The following C17orf58 variants were observed in gnomAD, a reference collection of about 807,000 sequenced individuals.
C17orf58 encodes UPF0450 protein C17orf58.
Under a neutral mutation model 7.4 loss-of-function variants are expected in C17orf58, and 5 were observed. The ratio of observed to expected loss-of-function variants is 0.67; its 90% confidence interval spans 0.35 to 1.42. The LOEUF (loss-of-function observed/expected upper bound fraction) is 1.42, where lower values mean the gene tolerates loss of function less well. C17orf58 is among the 40% of genes most tolerant of loss of function. C17orf58 has a pLI of 0.04. For missense variants in C17orf58, 162 were observed against 174.2 expected (o/e 0.93, Z 0.40); for synonymous variants, 60 against 70.6 (o/e 0.85, Z 0.75).
Position 67,993,411 on chromosome 17 carries a change from C to A in C17orf58, c.637+13G>T. ...GCGGGGCGGCGGGGCGGCGGCGCGGCGGCCGGGCTCACCGAATTCGCTCTC... is the reference window on the plus strand; with the variant it reads ...GCGGGGCGGCGGGGCGGCGGCGCGGAGGCCGGGCTCACCGAATTCGCTCTC... On this transcript the variant is annotated intron_variant, in intron 2 of 3. Coordinates refer to ENST00000580729, the MANE Select transcript of C17orf58 (RefSeq NM_001382359.1). The surrounding 1 kb of genome is among the most constrained non-coding windows in gnomAD (Gnocchi z 5.1). 1 of 568,666 alleles carries A rather than the reference C, an allele frequency of 1.8e-6. No individual in the cohort carries two copies. The highest frequency in any genetic ancestry group is 2.0e-5 in the African/African-American group (1 of 51,094). The allele number at this position is 568,666 out of a possible 1,614,324, so 35.2% of individuals were successfully genotyped here.
rs782323911 is a variant in C17orf58, at chr17:67,993,077, T to C, written c.796A>G (p.Ser266Gly). Residue 266 changes from serine to glycine, a missense_variant, in exon 3 of 4, where the codon AGC becomes GGC. By Grantham distance (56) the Ser-to-Gly change is moderately conservative. Around this residue, in one of 3 missense-constraint regions of C17orf58, gnomAD observed 93 missense variants for 90.4 expected, o/e 1.03. Transcript: ENST00000580729. This position sits in a 1 kb window ranked among gnomAD's most constrained non-coding sequence, Gnocchi z 5.1. ...AACTCTGGACACGGCTTATTGCAGCTGGAGGAGTCCAGGGCTAACATGTGG... is the reference window on the plus strand; with the variant it reads ...AACTCTGGACACGGCTTATTGCAGCCGGAGGAGTCCAGGGCTAACATGTGG... ...RVHMLALDSS[S>G]CNKPCPEFKP... 1.6e-5 allele frequency: 26 copies of C among 1,614,018 alleles called. No individual in the cohort carries two copies. Among genetic ancestry groups the C allele is most frequent in the Middle Eastern group, 1.6e-4 (1 of 6,084 alleles).
At position 67,993,002 on chromosome 17, in the gene C17orf58, T is replaced by C; in HGVS notation, c.829+42A>G. The C allele has an allele frequency of 1.2e-6, 2 of 1,614,094 alleles. No individual in the cohort carries two copies. The highest frequency in any genetic ancestry group is 8.5e-7 in the Non-Finnish European group (1 of 1,179,996). ...GTGGCACCCACGTTACAAACGGTGG[T>C]ATAAAGTACATATGCAGCGTCATTC... On this transcript the variant is annotated intron_variant, in intron 3 of 3. Coordinates refer to ENST00000580729, the MANE Select transcript of C17orf58 (RefSeq NM_001382359.1). This position sits in a 1 kb window ranked among gnomAD's most constrained non-coding sequence, Gnocchi z 5.1.
rs1159697155 is a variant in C17orf58, at chr17:67,993,713, G to C, written c.348C>G (p.Arg116=). ...GCGGGGCGTCCTCCGACGCGGGCTC[G>C]CGGCGCGGCGACGCGCGGTTCTCGG... ...AQAENRASPR[R]EPASEDAPRR... Residue 116 remains arginine (R), a synonymous_variant, in exon 2 of 4, where the codon CGC becomes CGG. Transcript: ENST00000580729. This position sits in a 1 kb window ranked among gnomAD's most constrained non-coding sequence, Gnocchi z 5.1. 1 of 148,066 alleles carries C rather than the reference G, an allele frequency of 6.8e-6. No homozygotes were observed. Among genetic ancestry groups the C allele is most frequent in the African/African-American group, 2.5e-5 (1 of 40,722 alleles). The allele number at this position is 148,066 out of a possible 1,614,324, so 9.2% of individuals were successfully genotyped here.
chr17:67,994,771 C>T (rs188800216), intron 1 of C17orf58, among the ~76,000 whole-genome samples: 14 of 151,992 alleles, frequency 9.2e-5, no homozygotes, highest in African/African-American at 3.4e-4. Flanking sequence ...TACTGGTAAA[C>T]CACAGCTAAG....
intron 1 of C17orf58, among the ~76,000 whole-genome samples, chr17:67,994,851 A>AT (rs1386766410): frequency 6.6e-6 from 1 of 151,860 alleles, no homozygotes; most frequent in Non-Finnish European, 1.5e-5. Flanking sequence ...CGTCGCTTAC[A>AT]TTTTTTTCCC....
rs202176546 is a variant in C17orf58, at chr17:67,991,889, T to C, written c.*24A>G. The C allele has an allele frequency of 2.5e-6, 4 of 1,571,464 alleles. No individual in the cohort carries two copies. The African/African-American group carries it at 5.4e-5, about 21-fold the overall frequency. ...TTGCCGACGTCCAAGTCTCTTGCGG[T>C]CCAGAAATGCCAGGATGGTTGTTTC... is the stretch of plus-strand genomic sequence containing the variant. On this transcript the variant is annotated 3_prime_UTR_variant, in exon 4 of 4. Coordinates refer to ENST00000580729, the MANE Select transcript of C17orf58 (RefSeq NM_001382359.1).
Position 67,993,546 on chromosome 17 carries a change from C to CGCG in C17orf58, c.512_514dup (p.Pro171dup), listed in dbSNP as rs1229004275. The CGCG allele has an allele frequency of 2.9e-6, 1 of 343,748 alleles. No homozygotes were observed. The highest frequency in any genetic ancestry group is 5.2e-6 in the Non-Finnish European group (1 of 191,844). 21.3% of individuals were successfully genotyped at this position (343,748 alleles called of 1,614,324 possible). On this transcript the variant is annotated inframe_insertion, in exon 2 of 4. Transcript: ENST00000580729. This position sits in a 1 kb window ranked among gnomAD's most constrained non-coding sequence, Gnocchi z 5.1. ...GCTGAGGCCGAAGCTGAGGCTGAAG[C>CGCG]GCGGCGGCGGCGCGGGCGCGGGTCC...
At chr17:67,996,052 G>A (rs1341695291) in intron 1 of C17orf58, 71 bp downstream of exon 1, 11 of 398,680 alleles carry the variant, frequency 2.8e-5, no homozygotes, top group East Asian at 2.1e-4. Context: ...ACGTTTCACT[G>A]AGCCTCCTTC....
At position 67,993,923 on chromosome 17, in the gene C17orf58, C is replaced by T. The variant is rs1389538277; in HGVS notation, c.138G>A (p.Pro46=). 1 of 393,826 alleles carries T rather than the reference C, an allele frequency of 2.5e-6. No homozygotes were observed. Among genetic ancestry groups the T allele is most frequent in the Non-Finnish European group, 4.5e-6 (1 of 223,436 alleles). The allele number at this position is 393,826 out of a possible 1,614,324, so 24.4% of individuals were successfully genotyped here. Residue 46 remains proline (P), a synonymous_variant, in exon 2 of 4, where the codon CCG becomes CCA. Transcript: ENST00000580729. The surrounding 1 kb of genome is among the most constrained non-coding windows in gnomAD (Gnocchi z 5.1). ...SRGCPSAEET[P]GPRAQPLLEA... is the part of the protein sequence containing the mutation. ...CAAGGAGTGGCTGCGCGCGGGGCCC[C>T]GGTGTCTCCTCCGCGCTCGGGCAGC...
At chr17:67,995,029 C>T (rs1280458336) in intron 1 of C17orf58, among the ~76,000 whole-genome samples, 1 of 152,178 alleles carries the variant, frequency 6.6e-6, no homozygotes, top group Non-Finnish European at 1.5e-5. Context: ...TCCTTGCTTG[C>T]CTGGGTCCCA....
At position 67,992,939 on chromosome 17, in the gene C17orf58, G is replaced by T. The variant is rs782192091; in HGVS notation, c.829+105C>A. ...CCCATTCATGTCATTGTTTCCCATC[G>T]CTCCCAAAAAAAGGCTGGGCGACCT... On this transcript the variant is annotated intron_variant, in intron 3 of 3. Coordinates refer to ENST00000580729, the MANE Select transcript of C17orf58 (RefSeq NM_001382359.1). 3.7e-6 allele frequency: 6 copies of T among 1,613,878 alleles called. No homozygotes were observed. In the African/African-American group the frequency reaches 8.0e-5, roughly 22 times the overall value.
rs1335095512 is a variant in C17orf58 at position 67,993,998 on chromosome 17, AGAG to A, written c.77-17_77-15del. The A allele has an allele frequency of 7.7e-6, 3 of 389,650 alleles. No homozygotes were observed. The highest frequency in any genetic ancestry group is 1.4e-5 in the Non-Finnish European group (3 of 220,800). 24.1% of individuals were successfully genotyped at this position (389,650 alleles called of 1,614,324 possible). ...GCGGCGGCGAGGCTGTGGGGAGAGA[AGAG>A]GAGAGGCGGGAAGGCGGTGGGGGAG... is the stretch of plus-strand genomic sequence containing the variant. On this transcript the variant is annotated splice_polypyrimidine_tract_variant and intron_variant, in intron 1 of 3. Coordinates refer to ENST00000580729, the MANE Select transcript of C17orf58 (RefSeq NM_001382359.1). This position sits in a 1 kb window ranked among gnomAD's most constrained non-coding sequence, Gnocchi z 5.1.
intron 1 of C17orf58, among the ~76,000 whole-genome samples, chr17:67,994,852 T>G (rs1361753692): frequency 2.0e-5 from 3 of 151,920 alleles, no homozygotes; most frequent in Non-Finnish European, 4.4e-5. Context: ...GTCGCTTACA[T>G]TTTTTTCCCC....
intron 3 of C17orf58, 197 bp downstream of exon 3, chr17:67,992,847 C>A: frequency 6.3e-7 from 1 of 1,577,996 alleles, no homozygotes; most frequent in South Asian, 1.2e-5. Flanking sequence ...GCTGTTCTCA[C>A]CCTTGAGGGT....
In C17orf58 at chr17:67,991,942, G is replaced by A. The variant is rs782108112; in HGVS notation, c.991C>T (p.Gln331Ter). ...ATGCATTGGGTATGAATTGCACCTT[G>A]AATCTGCCCTTCCCTTTTTCGATTA... ...RFNRKREGQI[Q>*]GAIHTQCI is the part of the protein sequence containing the mutation. Residue 331 changes from glutamine to a stop codon, truncating the protein, a stop_gained, in exon 4 of 4, where the codon CAA becomes TAA. Transcript: ENST00000580729. LOFTEE classifies it high-confidence loss of function. 6.2e-7 allele frequency: 1 copy of A among 1,612,380 alleles called. No individual in the cohort carries two copies. Among genetic ancestry groups the A allele is most frequent in the East Asian group, 2.2e-5 (1 of 44,858 alleles).
intron 1 of C17orf58, among the ~76,000 whole-genome samples, chr17:67,995,543 C>G (rs539260824): frequency 1.3e-5 from 2 of 152,366 alleles, no homozygotes; most frequent in East Asian, 1.9e-4. Flanking sequence ...CCAGAGAACC[C>G]CTCATTTCTT....
intron 1 of C17orf58, among the ~76,000 whole-genome samples, chr17:67,994,942 C>T (rs2070879868): frequency 6.6e-6 from 1 of 152,162 alleles, no homozygotes; most frequent in South Asian, 2.1e-4. Flanking sequence ...TTCCCTAGTT[C>T]TGCAGACAGG....
At position 67,993,116 on chromosome 17, in the gene C17orf58, A is replaced by T; in HGVS notation, c.757T>A (p.Phe253Ile). The part of the protein sequence containing the change: ...MNRLYLTPDG[F>I]FFRVHMLALD... The stretch of plus-strand genomic sequence containing the variant: ...GCTAACATGTGGACTCGGAAGAAGA[A>T]GCCGTCGGGGGTGAGGTACAGGCGG... The change falls in exon 3 of 4, where the codon TTC becomes ATC. Residue 253 changes from phenylalanine (F) to isoleucine (I), a missense_variant. Phe to Ile is a conservative substitution (Grantham distance 21, BLOSUM62 0). Around this residue, in one of 3 missense-constraint regions of C17orf58, gnomAD observed 93 missense variants for 90.4 expected, o/e 1.03. Transcript: ENST00000580729. This position sits in a 1 kb window ranked among gnomAD's most constrained non-coding sequence, Gnocchi z 5.1. 1.9e-6 allele frequency: 3 copies of T among 1,614,100 alleles called. No homozygotes were observed. The highest frequency in any genetic ancestry group is 2.5e-6 in the Non-Finnish European group (3 of 1,179,970).
At position 67,996,025 on chromosome 17, in the gene C17orf58, A is replaced by AC. The variant is rs1198650428; in HGVS notation, c.76+97dup. ...GGGGTGTCCTCTCTTGCGAGCTCTG[A>AC]CCCCCCTCCTCGTCCCACGTTTCAC... On this transcript the variant is annotated intron_variant, in intron 1 of 3. Transcript: ENST00000580729. 4 of 387,212 alleles carry AC rather than the reference A, an allele frequency of 1.0e-5. No homozygotes were observed. The Admixed American group carries it at 1.8e-4, about 18-fold the overall frequency. The allele number at this position is 387,212 out of a possible 1,614,324, so 24.0% of individuals were successfully genotyped here.
Sources: gnomAD v4.1 joint callset for allele counts (sites outside exome capture counted in the v4.1 genomes callset) on GRCh38, gnomAD v4.1.1 for gene constraint, gnomAD v4.1.1 regional missense constraint, Gnocchi (gnomAD v3.1) non-coding constraint, MANE v1.5 for transcripts, NCBI Gene and HGNC (gene_info 2026-07-23, HGNC 2026-07-21) for gene names.